Variants in BTBD9 observed in about 807,000 individuals in gnomAD.
BTBD9 encodes the protein BTB/POZ domain-containing protein 9.
BTBD9 carries 49 observed loss-of-function variants against 64.3 expected under a neutral mutation model. The ratio of observed to expected loss-of-function variants is 0.76; its 90% CI spans 0.61 to 0.97. The LOEUF (loss-of-function observed/expected upper bound fraction) is 0.97, where lower values mean the gene tolerates loss of function less well. Among genes scored for constraint, BTBD9 ranks in the 50% least tolerant of loss-of-function variants. The pLI is 0.00. For synonymous variants in BTBD9, 260 were observed against 274.7 expected (o/e 0.95, Z 0.53); for missense variants, 598 against 762.1 (o/e 0.78, Z 2.53).
chr6:38,420,557 AAAT>A (rs1439152135), intron 6 of BTBD9, among the ~76,000 whole-genome samples: 1 of 152,138 alleles, frequency 6.6e-6, no homozygotes, highest in African/African-American at 2.4e-5. Context: ...AGGTTAAAAA[AAAT>A]AATAATAACA....
At chr6:38,402,475 T>A (rs1766974990) in intron 6 of BTBD9, among the ~76,000 whole-genome samples, 1 of 152,138 alleles carries the variant, frequency 6.6e-6, no homozygotes, top group African/African-American at 2.4e-5. Flanking sequence ...AACACTGGCA[T>A]AAGGGTAGAC....
intron 6 of BTBD9, among the ~76,000 whole-genome samples, chr6:38,459,168 A>G (rs1769958064): frequency 6.6e-6 from 1 of 151,932 alleles, no homozygotes. Context: ...ACAGGTGCGC[A>G]CCACCACGCC....
chr6:38,523,259 A>G (rs991623409), intron 6 of BTBD9, among the ~76,000 whole-genome samples: 7 of 151,638 alleles, frequency 4.6e-5, no homozygotes, highest in African/African-American at 1.7e-4. Context: ...CTTCTTCTCC[A>G]TTTTTACTGT....
rs1157734343 is a variant in BTBD9, at chr6:38,465,751, ATATATG to A, written c.1154+111843_1154+111848del. Reference sequence around the variant, plus strand: ...TATATATATATATATATATATATATATATATGTATGTATGTATGTATTTCAGTTATT... The same window carrying A: ...TATATATATATATATATATATATATATATGTATGTATGTATTTCAGTTATT... On this transcript the variant is annotated intron_variant, in intron 6 of 10. Transcript: ENST00000481247. 1.8e-3 allele frequency among the ~76,000 whole-genome samples: 73 copies of A among 41,486 alleles called. No individual in the cohort carries two copies. In the East Asian group the frequency reaches 0.062, roughly 36 times the overall value. 27.2% of individuals were successfully genotyped at this position (41,486 alleles called of 152,430 possible).
intron 6 of BTBD9, among the ~76,000 whole-genome samples, chr6:38,535,535 C>T (rs1773987619): frequency 1.3e-5 from 2 of 151,722 alleles, no homozygotes; most frequent in Admixed American, 1.3e-4. Context: ...CATAAAAGAC[C>T]CAGAAGAGCC....
chr6:38,459,918 T>C (rs1345221535), intron 6 of BTBD9, among the ~76,000 whole-genome samples: 1 of 152,234 alleles, frequency 6.6e-6, no homozygotes, highest in Non-Finnish European at 1.5e-5. Context: ...TTGATTTGTC[T>C]ACCGTGGTTT....
chr6:38,535,749 C>A (rs1773997194), intron 6 of BTBD9, among the ~76,000 whole-genome samples: 1 of 152,110 alleles, frequency 6.6e-6, no homozygotes, highest in Non-Finnish European at 1.5e-5. Context: ...CAAACACATA[C>A]ACTGGGAAAA....
rs976544112 is a variant in BTBD9, at chr6:38,533,051, A to G, written c.1154+44549T>C. Reference sequence around the variant, plus strand: ...AGTAAGCAATTACTTACCAATGATAACAGTGAATGTAAATGGACTAAACTC... The same window carrying G: ...AGTAAGCAATTACTTACCAATGATAGCAGTGAATGTAAATGGACTAAACTC... On this transcript the variant is annotated intron_variant, in intron 6 of 10. Transcript: ENST00000481247. 3.9e-5 allele frequency among the ~76,000 whole-genome samples: 6 copies of G among 152,130 alleles called. No individual in the cohort carries two copies. The East Asian group carries it at 1.2e-3, about 30-fold the overall frequency.
chr6:38,551,809 G>C (rs1774813490), intron 6 of BTBD9, among the ~76,000 whole-genome samples: 1 of 152,224 alleles, frequency 6.6e-6, no homozygotes, highest in Non-Finnish European at 1.5e-5. Flanking sequence ...CAGCAATGTG[G>C]AGAACGGATT....
chr6:38,518,420 C>A (rs1773137139), intron 6 of BTBD9, among the ~76,000 whole-genome samples: 1 of 152,156 alleles, frequency 6.6e-6, no homozygotes, highest in Non-Finnish European at 1.5e-5. Context: ...TGGTTCTCGC[C>A]AATTGTGTAT....
At chr6:38,627,255 A>C (rs1193071803) in intron 1 of BTBD9, among the ~76,000 whole-genome samples, 1 of 152,200 alleles carries the variant, frequency 6.6e-6, no homozygotes, top group East Asian at 1.9e-4. Context: ...GGTGTCTTAT[A>C]AAACTAGTAA....
intron 6 of BTBD9, among the ~76,000 whole-genome samples, chr6:38,412,830 G>C (rs1767493423): frequency 2.0e-5 from 3 of 150,496 alleles, no homozygotes; most frequent in African/African-American, 2.5e-5. Flanking sequence ...CTGCACTCCA[G>C]CCTGGGTGAC....
chr6:38,204,752 A>C (rs527351825), intron 9 of BTBD9, among the ~76,000 whole-genome samples: 1 of 152,270 alleles, frequency 6.6e-6, no homozygotes, highest in South Asian at 2.1e-4. Context: ...AAAGACTGTA[A>C]CATGAAAGAT....
chr6:38,235,711 T>C (rs1176256365), intron 9 of BTBD9, among the ~76,000 whole-genome samples: 2 of 152,146 alleles, frequency 1.3e-5, no homozygotes, highest in East Asian at 1.9e-4. Context: ...AACAGAGATA[T>C]CTGTAACTGA....
chr6:38,271,162 C>A (rs929957296), intron 8 of BTBD9, among the ~76,000 whole-genome samples: 3 of 152,146 alleles, frequency 2.0e-5, no homozygotes, highest in African/African-American at 7.2e-5. Context: ...TTACAAACAA[C>A]ATCTTGGCAG....
Position 38,192,584 on chromosome 6 carries a change from C to G in BTBD9, c.1576G>C (p.Val526Leu). 6.2e-7 allele frequency: 1 copy of G among 1,613,750 alleles called. No individual in the cohort carries two copies. The highest frequency in any genetic ancestry group is 8.5e-7 in the Non-Finnish European group (1 of 1,179,838). ...TKVSCKSWQS[V>L]TFERQPASFI... ...GAGGCAGGCTGCCTTTCAAAAGTTA[C>G]TGACTGCCAGGACCTGTGAGAGGAA... Residue 526 changes from valine (V) to leucine (L), a missense_variant, in exon 10 of 11, where the codon GTA becomes CTA. Transcript: ENST00000481247.
chr6:38,436,156 C>T (rs868319272), intron 6 of BTBD9, among the ~76,000 whole-genome samples: 13 of 151,862 alleles, frequency 8.6e-5, no homozygotes, highest in African/African-American at 2.4e-4. Flanking sequence ...TTTCAATAAA[C>T]GTAAAAAATG....
chr6:38,373,861 T>C (rs1212332569), intron 6 of BTBD9, among the ~76,000 whole-genome samples: 1 of 152,052 alleles, frequency 6.6e-6, no homozygotes, highest in Non-Finnish European at 1.5e-5. Context: ...AAAATTCAAG[T>C]TTAAAAGTTT....
intron 9 of BTBD9, among the ~76,000 whole-genome samples, chr6:38,238,913 G>T (rs1028461617): frequency 6.6e-6 from 1 of 152,156 alleles, no homozygotes; most frequent in Non-Finnish European, 1.5e-5. Flanking sequence ...AAAGGGAAGA[G>T]GGTATAATGA....
Sources: allele counts gnomAD v4.1 joint callset (sites outside exome capture counted in the v4.1 genomes callset), GRCh38; gene constraint gnomAD v4.1.1; transcripts MANE v1.5; gene names NCBI Gene and HGNC (gene_info 2026-07-23, HGNC 2026-07-21).